UBE2V1: variants seen among roughly 807,000 people sequenced by gnomAD.
UBE2V1 encodes the protein ubiquitin conjugating enzyme E2 V1, also known as ubiquitin-conjugating enzyme E2 variant 1.
A neutral mutation model predicts 19.6 loss-of-function variants in UBE2V1; 15 were observed. The ratio of observed to expected loss-of-function variants is 0.77; its 90% CI spans 0.51 to 1.18. The LOEUF is 1.18. UBE2V1 is among the 50% of genes most tolerant of loss of function. The probability of loss-of-function intolerance (pLI) is 0.00; values close to 1 mark genes in which losing one functional copy is unlikely to be tolerated. For synonymous variants in UBE2V1, 60 were observed against 60.7 expected (o/e 0.99, Z 0.05); for missense variants, 125 against 184.8 (o/e 0.68, Z 1.88).
intron 1 of UBE2V1, chr20:50,098,732 GGTAA>G (rs2079796364): frequency 5.6e-6 from 1 of 179,746 alleles, no homozygotes; most frequent in African/African-American, 2.4e-5. Flanking sequence ...ACTTATTTAG[GGTAA>G]GTAATATACT....
chr20:50,081,445 A>G lies in UBE2V1; in HGVS notation c.*1323T>C, dbSNP rs942949266. On this transcript the variant is annotated 3_prime_UTR_variant, in exon 4 of 4. Transcript: ENST00000371674. ...GTGGTCCTGAACAGCAAGTGGAAAGACGCAGCAATTTGCCAGGAGGTCAAG... is the reference window on the plus strand; with the variant it reads ...GTGGTCCTGAACAGCAAGTGGAAAGGCGCAGCAATTTGCCAGGAGGTCAAG... 2.6e-5 allele frequency: 4 copies of G among 152,542 alleles called. No individual in the cohort carries two copies. Among genetic ancestry groups the G allele is most frequent in the Admixed American group, 2.0e-4 (3 of 15,260 alleles). 9.4% of individuals were successfully genotyped at this position (152,542 alleles called of 1,614,324 possible).
chr20:50,084,299 C>G, intron 2 of UBE2V1, 45 bp from the exon 3 acceptor site: 1 of 1,609,368 alleles, frequency 6.2e-7, no homozygotes. Flanking sequence ...ACAAACAAAG[C>G]ATTCAAAAAG....
chr20:50,086,037 C>A (rs999094727), intron 2 of UBE2V1, among the ~76,000 whole-genome samples: 1 of 152,210 alleles, frequency 6.6e-6, no homozygotes, highest in Non-Finnish European at 1.5e-5. Flanking sequence ...GCTCCCGGCA[C>A]AGCAGCCAGA....
At chr20:50,093,448 C>A (rs1313970710) in intron 2 of UBE2V1, among the ~76,000 whole-genome samples, 1 of 152,232 alleles carries the variant, frequency 6.6e-6, no homozygotes, top group Non-Finnish European at 1.5e-5. Flanking sequence ...AGCATCTACA[C>A]ACAGATAGTT....
intron 1 of UBE2V1, among the ~76,000 whole-genome samples, chr20:50,107,326 A>G (rs1316868448): frequency 2.6e-5 from 4 of 152,232 alleles, no homozygotes; most frequent in Admixed American, 2.6e-4. Flanking sequence ...TACTAGTTTG[A>G]GATCCATTGC....
chr20:50,099,343 G>A (rs2147110226), intron 1 of UBE2V1, among the ~76,000 whole-genome samples: 1 of 152,184 alleles, frequency 6.6e-6, no homozygotes. Flanking sequence ...TGTTGTTTAA[G>A]CCCCACCCAG....
intron 2 of UBE2V1, among the ~76,000 whole-genome samples, chr20:50,089,151 G>A (rs1306252551): frequency 6.6e-6 from 1 of 152,100 alleles, no homozygotes; most frequent in Non-Finnish European, 1.5e-5. Flanking sequence ...TAACACAGAT[G>A]TAATAACGAA....
At chr20:50,087,369 C>G (rs2078980057) in intron 2 of UBE2V1, among the ~76,000 whole-genome samples, 2 of 147,152 alleles carry the variant, frequency 1.4e-5, no homozygotes, top group South Asian at 4.3e-4. Context: ...CCACTCCAGC[C>G]TGGGTGACAT....
chr20:50,095,887 G>GCA (rs2079587753), intron 2 of UBE2V1: 1 of 152,260 alleles, frequency 6.6e-6, no homozygotes, highest in South Asian at 2.1e-4. Context: ...GTGGTTAAGA[G>GCA]CACAGGCTCT....
upstream of UBE2V1, chr20:50,115,500 T>C (rs1270722291): frequency 4.4e-6 from 7 of 1,583,036 alleles, no homozygotes; most frequent in Non-Finnish European, 6.0e-6. Flanking sequence ...CAGTGAAATT[T>C]TCTAGGTTCA....
At chr20:50,084,296 A>G (rs1308505985) in intron 2 of UBE2V1, 42 bp from the exon 3 acceptor site, 1 of 1,609,590 alleles carries the variant, frequency 6.2e-7, no homozygotes, top group Non-Finnish European at 8.5e-7. Context: ...ATTACAAACA[A>G]AGCATTCAAA....
chr20:50,085,205 T>A (rs902566327), intron 2 of UBE2V1, among the ~76,000 whole-genome samples: 2 of 152,046 alleles, frequency 1.3e-5, no homozygotes, highest in African/African-American at 4.8e-5. Flanking sequence ...CCGTCCTTCT[T>A]TAAAAGGCTA....
intron 2 of UBE2V1, 45 bp from the exon 3 acceptor site, chr20:50,084,299 C>T: frequency 6.2e-7 from 1 of 1,609,368 alleles, no homozygotes; most frequent in Non-Finnish European, 8.5e-7. Flanking sequence ...ACAAACAAAG[C>T]ATTCAAAAAG....
intron 2 of UBE2V1, among the ~76,000 whole-genome samples, chr20:50,090,878 A>G (rs772835005): frequency 6.6e-6 from 1 of 152,212 alleles, no homozygotes; most frequent in Non-Finnish European, 1.5e-5. Context: ...TACACAATGT[A>G]TATCAAATCA....
chr20:50,109,194 A>G (rs958458158), intron 1 of UBE2V1: 109 of 940,764 alleles, frequency 1.2e-4, no homozygotes, highest in Non-Finnish European at 1.3e-4. Flanking sequence ...ATACAACAGT[A>G]ATAGTATTCA....
upstream of UBE2V1, among the ~76,000 whole-genome samples, chr20:50,114,516 A>C (rs6095769): frequency 1.0e-3 from 157 of 152,296 alleles, 1 homozygote; most frequent in African/African-American, 3.5e-3. Context: ...ATAAAATACA[A>C]ACTTTACAAG....
intron 2 of UBE2V1, among the ~76,000 whole-genome samples, chr20:50,085,117 T>C (rs1453881199): frequency 6.6e-6 from 1 of 151,994 alleles, no homozygotes; most frequent in African/African-American, 2.4e-5. Flanking sequence ...CTCGAACTCC[T>C]GACCTCAGCT....
intron 1 of UBE2V1, chr20:50,111,544 T>A (rs1191316770): frequency 1.0e-6 from 1 of 1,000,206 alleles, no homozygotes. Context: ...GTAAATGAAT[T>A]GACTCAGCAC....
At chr20:50,105,465 A>G in intron 1 of UBE2V1, among the ~76,000 whole-genome samples, 1 of 152,250 alleles carries the variant, frequency 6.6e-6, no homozygotes, top group Non-Finnish European at 1.5e-5. Flanking sequence ...TTAAACGTAC[A>G]TATGCCAAAG....
Sources: gnomAD v4.1 joint callset for allele counts (sites outside exome capture counted in the v4.1 genomes callset) on GRCh38, gnomAD v4.1.1 for gene constraint, MANE v1.5 for transcripts, NCBI Gene and HGNC (gene_info 2026-07-23, HGNC 2026-07-21) for gene names.